The following TMCC1 variants were observed in gnomAD, a reference collection of about 807,000 sequenced individuals.
The protein encoded by TMCC1 is transmembrane and coiled-coil domain family 1.
In TMCC1, 15 loss-of-function variants were observed where a neutral mutation model predicts 52.4. That is an observed-to-expected ratio of 0.29 (90% CI 0.19 to 0.44). The LOEUF (loss-of-function observed/expected upper bound fraction) is 0.44, where lower values mean the gene tolerates loss of function less well. TMCC1 is among the 20% of genes least tolerant of loss of function. The probability of loss-of-function intolerance (pLI) is 1.00; values close to 1 mark genes in which losing one functional copy is unlikely to be tolerated. For synonymous variants in TMCC1, 279 were observed against 301.9 expected (o/e 0.92, Z 0.79); for missense variants, 503 against 806.0 (o/e 0.62, Z 4.55).
chr3:129,711,762 G>A (rs1417716955), intron 4 of TMCC1, among the ~76,000 whole-genome samples: 3 of 149,908 alleles, frequency 2.0e-5, no homozygotes, highest in African/African-American at 2.5e-5. Context: ...AGGGTGAGGC[G>A]GGCGGATCAC....
At chr3:129,735,647 T>TAAAAA (rs55678236) in intron 4 of TMCC1, among the ~76,000 whole-genome samples, 1 of 134,676 alleles carries the variant, frequency 7.4e-6, no homozygotes. Flanking sequence ...AAGACTCTCT[T>TAAAAA]AAAAAAAAAA....
chr3:129,721,978 TAA>T (rs2107595697), intron 4 of TMCC1, among the ~76,000 whole-genome samples: 1 of 152,374 alleles, frequency 6.6e-6, no homozygotes, highest in South Asian at 2.1e-4. Flanking sequence ...ATTGTTATAT[TAA>T]AAGTTTTAGA....
At chr3:129,880,155 C>A (rs1350418917) in intron 2 of TMCC1, among the ~76,000 whole-genome samples, 154 bp downstream of exon 2, 1 of 151,856 alleles carries the variant, frequency 6.6e-6, no homozygotes, top group Non-Finnish European at 1.5e-5. Context: ...TCTTGTTGAG[C>A]TACAGGTGCT....
chr3:129,884,581 TCA>T (rs1271621043), intron 1 of TMCC1, among the ~76,000 whole-genome samples: 2 of 152,214 alleles, frequency 1.3e-5, no homozygotes, highest in Non-Finnish European at 2.9e-5. Context: ...TTCCTACAAA[TCA>T]CAGTCAATAT....
intron 2 of TMCC1, among the ~76,000 whole-genome samples, chr3:129,850,882 G>A (rs561048393): frequency 9.9e-4 from 151 of 152,388 alleles, no homozygotes; most frequent in African/African-American, 3.4e-3. Flanking sequence ...TGCAGCAGGA[G>A]CATGTCCTTA....
At chr3:129,728,859 A>G (rs2050318184) in intron 4 of TMCC1, among the ~76,000 whole-genome samples, 2 of 152,212 alleles carry the variant, frequency 1.3e-5, no homozygotes, top group Non-Finnish European at 2.9e-5. Context: ...TTATCAACAC[A>G]ATGTCTTTGA....
intron 5 of TMCC1, among the ~76,000 whole-genome samples, chr3:129,655,764 T>G (rs1441954407): frequency 6.6e-6 from 1 of 152,174 alleles, no homozygotes; most frequent in Non-Finnish European, 1.5e-5. Context: ...CAAGATGATT[T>G]CCCATATGGA....
chr3:129,788,810 C>A (rs1384523159), intron 4 of TMCC1, among the ~76,000 whole-genome samples: 1 of 152,098 alleles, frequency 6.6e-6, no homozygotes, highest in East Asian at 1.9e-4. Context: ...CATCATCAAT[C>A]TTCCTATTCT....
intron 4 of TMCC1, among the ~76,000 whole-genome samples, chr3:129,672,085 T>C (rs1012280118): frequency 1.3e-5 from 2 of 152,228 alleles, no homozygotes; most frequent in Non-Finnish European, 2.9e-5. Context: ...AAAGCACGTA[T>C]ACTTAATCCT....
intron 5 of TMCC1, among the ~76,000 whole-genome samples, chr3:129,660,523 A>G (rs1436785037): frequency 6.6e-6 from 1 of 152,140 alleles, no homozygotes; most frequent in East Asian, 1.9e-4. Flanking sequence ...TTTTCAGTAT[A>G]TTTATGATGT....
In TMCC1 at chr3:129,679,756, TTG is replaced by T. The variant is rs915029113; in HGVS notation, c.577-8494_577-8493del. Reference sequence around the variant, plus strand: ...ATAAGGCCCATGAAGGTAGATATTTTTGTGTTTTGTCCACTTTTGTTTCTCTA... The same window carrying T: ...ATAAGGCCCATGAAGGTAGATATTTTTGTTTTGTCCACTTTTGTTTCTCTA... On this transcript the variant is annotated intron_variant, in intron 4 of 6. Transcript: ENST00000393238. Among the ~76,000 whole-genome samples, 15 of 152,382 alleles carry T rather than the reference TTG, an allele frequency of 9.8e-5. No individual in the cohort carries two copies. The South Asian group carries it at 2.7e-3, about 27-fold the overall frequency.
intron 4 of TMCC1, among the ~76,000 whole-genome samples, chr3:129,695,661 C>T (rs2047364343): frequency 6.6e-6 from 1 of 152,116 alleles, no homozygotes; most frequent in Non-Finnish European, 1.5e-5. Context: ...TTACCTCCCA[C>T]CAGGTCCCTC....
At chr3:129,832,414 A>G (rs1443300653) in intron 3 of TMCC1, among the ~76,000 whole-genome samples, 1 of 152,208 alleles carries the variant, frequency 6.6e-6, no homozygotes, top group Non-Finnish European at 1.5e-5. Flanking sequence ...CAAAAAACGC[A>G]GCCACCTACC....
intron 4 of TMCC1, among the ~76,000 whole-genome samples, chr3:129,822,040 G>A (rs772803590): frequency 1.1e-4 from 17 of 152,072 alleles, no homozygotes; most frequent in Non-Finnish European, 1.8e-4. Context: ...TCCAGCCTGG[G>A]TGACAGAGTG....
At chr3:129,870,600 G>A (rs1428690270) in intron 2 of TMCC1, among the ~76,000 whole-genome samples, 5 of 150,558 alleles carry the variant, frequency 3.3e-5, no homozygotes, top group East Asian at 2.0e-4. Context: ...TTAGCCAGGC[G>A]TGGTGGCTGG....
Position 129,648,598 on chromosome 3 carries a change from C to T in TMCC1, c.*2883G>A, listed in dbSNP as rs1428461117. Reference sequence around the variant, plus strand: ...CTACAACCTGAACAATCACCCAGGCCAACACAGCCAGCTTCACTCACCCAG... The same window carrying T: ...CTACAACCTGAACAATCACCCAGGCTAACACAGCCAGCTTCACTCACCCAG... On this transcript the variant is annotated 3_prime_UTR_variant, in exon 7 of 7. Coordinates refer to ENST00000393238, the MANE Select transcript of TMCC1 (RefSeq NM_001017395.5). 6.6e-6 allele frequency: 1 copy of T among 152,012 alleles called. No individual in the cohort carries two copies. The highest frequency in any genetic ancestry group is 1.5e-5 in the Non-Finnish European group (1 of 68,018). 9.4% of individuals were successfully genotyped at this position (152,012 alleles called of 1,614,324 possible).
At chr3:129,851,738 C>T (rs1472503482) in intron 2 of TMCC1, among the ~76,000 whole-genome samples, 1 of 152,136 alleles carries the variant, frequency 6.6e-6, no homozygotes, top group African/African-American at 2.4e-5. Context: ...CTTCTGGGTA[C>T]ATATACAAAA....
intron 4 of TMCC1, among the ~76,000 whole-genome samples, chr3:129,687,589 A>C (rs1460607271): frequency 1.3e-5 from 2 of 152,246 alleles, no homozygotes; most frequent in Non-Finnish European, 2.9e-5. Context: ...TATCAATAGA[A>C]TTGAGTCTGG....
At chr3:129,857,674 G>A (rs904673824) in intron 2 of TMCC1, among the ~76,000 whole-genome samples, 1 of 151,308 alleles carries the variant, frequency 6.6e-6, no homozygotes, top group Non-Finnish European at 1.5e-5. Flanking sequence ...CCATTCTCCT[G>A]CCTCAGCCTC....
Sources: gnomAD v4.1 joint callset for allele counts (sites outside exome capture counted in the v4.1 genomes callset) on GRCh38, gnomAD v4.1.1 for gene constraint, MANE v1.5 for transcripts, NCBI Gene and HGNC (gene_info 2026-07-23, HGNC 2026-07-21) for gene names.